Variants in ABCG5 observed in about 807,000 individuals in gnomAD.
ABCG5 encodes the protein ATP binding cassette subfamily G member 5, also known as ATP-binding cassette sub-family G member 5.
Under a neutral mutation model 64.5 loss-of-function variants are expected in ABCG5, and 64 were observed. The observed-to-expected ratio is 0.99, with a 90% confidence interval of 0.81 to 1.22. The LOEUF (loss-of-function observed/expected upper bound fraction) is 1.22. Among genes scored for constraint, ABCG5 ranks in the 50% most tolerant of loss-of-function variants. ABCG5 has a pLI of 0.00. For synonymous variants in ABCG5, 385 were observed against 326.3 expected, an observed-to-expected ratio of 1.18 and a Z score of -1.94; for missense variants, 908 against 829.5, an observed-to-expected ratio of 1.09 and a Z score of -1.16.
Position 43,814,555 on chromosome 2 carries a change from T to C in ABCG5, c.1684A>G (p.Ile562Val). 1 of 1,607,702 alleles carries C rather than the reference T, an allele frequency of 6.2e-7. No homozygotes were observed. Among genetic ancestry groups the C allele is most frequent in the Non-Finnish European group, 8.5e-7 (1 of 1,175,232 alleles). Residue 562 changes from isoleucine to valine, a missense_variant, in exon 12 of 13, where the codon ATC becomes GTC. Physicochemically the swap from Ile to Val is conservative, Grantham distance 29 (BLOSUM62 3). Transcript: ENST00000405322. ...IQEMPIPFKI[I>V]SYFTFQKYCS... is the part of the protein sequence containing the mutation. The stretch of plus-strand genomic sequence containing the variant: ...TATTTTTGGAATGTAAAATAACTGA[T>C]GATTTTAAAAGGAATGGGCATTTCT...
chr2:43,817,996 C>T (rs191305904), intron 11 of ABCG5, among the ~76,000 whole-genome samples: 294 of 152,252 alleles, frequency 1.9e-3, no homozygotes, highest in African/African-American at 6.5e-3. Flanking sequence ...TAAATGTGCT[C>T]AGAAAGCTTA....
intron 4 of ABCG5, 29 bp downstream of exon 4, chr2:43,831,740 G>C (rs1206510182): frequency 5.2e-6 from 8 of 1,551,884 alleles, no homozygotes; most frequent in Admixed American, 3.9e-5. Flanking sequence ...TACTCAGTTT[G>C]CCCTCTGTGA....
At chr2:43,806,927 T>C in the ABCG5 span, among the ~76,000 whole-genome samples, 1 of 152,302 alleles carries the variant, frequency 6.6e-6, no homozygotes, top group South Asian at 2.1e-4. Context: ...AAAGTTATGC[T>C]GTCCTAAGTT....
Position 43,813,708 on chromosome 2 carries a change from C to CCT in ABCG5, c.1763-400_1763-399insAG, listed in dbSNP as rs1558715512. Among the ~76,000 whole-genome samples the CCT allele has an allele frequency of 3.2e-3, 113 of 35,366 alleles. 3 individuals carry two copies. Among genetic ancestry groups the CCT allele is most frequent in the Middle Eastern group, 0.038 (2 of 52 alleles). The allele number at this position is 35,366 out of a possible 152,430, so 23.2% of individuals were successfully genotyped here. On this transcript the variant is annotated intron_variant, in intron 12 of 12. Coordinates refer to ENST00000405322, the MANE Select transcript of ABCG5 (RefSeq NM_022436.3). ...TTGTTTTTTTTGGGGTTTTTTTTTT[C>CCT]GTTTTTTTTTTTTTTTTTTTTTTTT...
In ABCG5 at chr2:43,812,831, C is replaced by G. The variant is rs114868704; in HGVS notation, c.*285G>C. ...AGAACAAGGAAAAAAAATAGTCACACGAGTCTCCCATAGGTTTATGAATAT... is the reference window on the plus strand; with the variant it reads ...AGAACAAGGAAAAAAAATAGTCACAGGAGTCTCCCATAGGTTTATGAATAT... On this transcript the variant is annotated 3_prime_UTR_variant, in exon 13 of 13. Transcript: ENST00000405322. 2,493 of 370,858 alleles carry G rather than the reference C, an allele frequency of 6.7e-3. 16 individuals carry two copies. The highest frequency in any genetic ancestry group is 8.8e-3 in the Non-Finnish European group (1,775 of 202,374). 23.0% of individuals were successfully genotyped at this position (370,858 alleles called of 1,614,324 possible). A position where few individuals can be genotyped will look rare whatever the true frequency, so the allele number is the denominator to read the frequency against.
At position 43,812,648 on chromosome 2, in the gene ABCG5, A is replaced by ATTC. The variant is rs1666542514; in HGVS notation, c.*465_*467dup. ...CTCTGGGTCTTCCAGGAACAGAAGC[A>ATTC]TTCTTACCCAATTCTGCATGATAAC... On this transcript the variant is annotated 3_prime_UTR_variant, in exon 13 of 13. Coordinates refer to ENST00000405322, the MANE Select transcript of ABCG5 (RefSeq NM_022436.3). The ATTC allele has an allele frequency of 5.4e-6, 1 of 185,166 alleles. No homozygotes were observed. The highest frequency in any genetic ancestry group is 1.1e-5 in the Non-Finnish European group (1 of 87,988). The allele number at this position is 185,166 out of a possible 1,614,324, so 11.5% of individuals were successfully genotyped here. A position where few individuals can be genotyped will look rare whatever the true frequency, so the allele number is the denominator to read the frequency against.
At chr2:43,827,516 C>T (rs1434839269) in intron 5 of ABCG5, among the ~76,000 whole-genome samples, 2 of 152,106 alleles carry the variant, frequency 1.3e-5, no homozygotes, top group African/African-American at 4.8e-5. Context: ...AATGACCAAA[C>T]CTGGCAGAGG....
At chr2:43,811,820 T>C (rs1179779264), downstream of ABCG5, among the ~76,000 whole-genome samples, 3 of 152,244 alleles carry the variant, frequency 2.0e-5, no homozygotes, top group East Asian at 5.8e-4. Context: ...GGTCTCAATC[T>C]CTTGACCTCG....
At position 43,838,603 on chromosome 2, in the gene ABCG5, T is replaced by C. The variant is rs1393088059; in HGVS notation, c.77A>G (p.Glu26Gly). 6.2e-7 allele frequency: 1 copy of C among 1,612,014 alleles called. No homozygotes were observed. Reference sequence around the variant, plus strand: ...CTCCGGGGCGGTGGCAGGAGCCCCCTCCAGGGAGCTCTGGGAGCCTCTGTT... The same window carrying C: ...CTCCGGGGCGGTGGCAGGAGCCCCCCCCAGGGAGCTCTGGGAGCCTCTGTT... ...QVNRGSQSSL[E>G]GAPATAPEPH... The change falls in exon 1 of 13, where the codon GAG (glutamate) becomes GGG (glycine). Residue 26 changes from glutamate (E) to glycine (G), a missense_variant. Coordinates refer to ENST00000405322, the MANE Select transcript of ABCG5 (RefSeq NM_022436.3). The surrounding 1 kb of genome is among the most constrained non-coding windows in gnomAD (Gnocchi z 4.2).
chr2:43,810,583 C>T, downstream of ABCG5: 1 of 918,110 alleles, frequency 1.1e-6, no homozygotes, highest in Non-Finnish European at 1.3e-6. Flanking sequence ...TGTCCACATA[C>T]AAAATATATT....
chr2:43,812,892 C>T lies in ABCG5; in HGVS notation c.*224G>A, dbSNP rs1666555672. The stretch of plus-strand genomic sequence containing the variant: ...CTTGGGTCCGCTCAGTCACAATTTC[C>T]AAATAACCACATGTCCCTGCAAGTT... On this transcript the variant is annotated 3_prime_UTR_variant, in exon 13 of 13. Transcript: ENST00000405322. 5.4e-6 allele frequency: 3 copies of T among 551,930 alleles called. No individual in the cohort carries two copies. In the East Asian group the frequency reaches 9.2e-5, roughly 17 times the overall value. The allele number at this position is 551,930 out of a possible 1,614,324, so 34.2% of individuals were successfully genotyped here.
intron 10 of ABCG5, 36 bp from the exon 11 acceptor site, chr2:43,820,136 G>A: frequency 6.3e-7 from 1 of 1,597,792 alleles, no homozygotes; most frequent in South Asian, 1.1e-5. Flanking sequence ...TCCTCTCCAA[G>A]GGCTATCATT....
chr2:43,819,785 A>G (rs1355622016), intron 11 of ABCG5, 130 bp downstream of exon 11: 3 of 980,728 alleles, frequency 3.1e-6, no homozygotes, highest in East Asian at 5.1e-5. Flanking sequence ...AGCAGTATAA[A>G]TGCTCTAGAC....
chr2:43,813,347 A>G (rs747235883), intron 12 of ABCG5, 38 bp from the exon 13 acceptor site: 1 of 1,439,686 alleles, frequency 6.9e-7, no homozygotes, highest in Non-Finnish European at 9.7e-7. Flanking sequence ...GGTGTGGTTT[A>G]TCTCAGGTAA....
chr2:43,825,028 C>T lies in ABCG5; in HGVS notation c.775-10G>A. On this transcript the variant is annotated splice_polypyrimidine_tract_variant and intron_variant, in intron 6 of 12. Coordinates refer to ENST00000405322, the MANE Select transcript of ABCG5 (RefSeq NM_022436.3). ...CAATTTTGTCAAAGAGCTGACCAGA[C>T]AACAGACGTAGTTAGTGTGTGATCA... is the stretch of plus-strand genomic sequence containing the variant. 1 of 1,613,334 alleles carries T rather than the reference C, an allele frequency of 6.2e-7. No individual in the cohort carries two copies. The highest frequency in any genetic ancestry group is 8.5e-7 in the Non-Finnish European group (1 of 1,179,628).
chr2:43,827,194 A>G (rs1252632451), intron 5 of ABCG5, among the ~76,000 whole-genome samples: 2 of 152,022 alleles, frequency 1.3e-5, no homozygotes, highest in African/African-American at 4.8e-5. Context: ...GTGTGGTGGC[A>G]GGCGCCTGTA....
rs560708726 is a variant in ABCG5, at chr2:43,835,811, T to C, written c.265+2023A>G. ...CTCCCTCACCAGACACTGAATCTGT[T>C]GACCCCCTTGATCTCGGACTTCCCA... On this transcript the variant is annotated intron_variant, in intron 2 of 12. Coordinates refer to ENST00000405322, the MANE Select transcript of ABCG5 (RefSeq NM_022436.3). Among the ~76,000 whole-genome samples, 7 of 152,310 alleles carry C rather than the reference T, an allele frequency of 4.6e-5. No individual in the cohort carries two copies. The South Asian group carries it at 1.5e-3, about 32-fold the overall frequency.
chr2:43,817,446 T>C lies in ABCG5; in HGVS notation c.1649+2469A>G, dbSNP rs1458042656. The stretch of plus-strand genomic sequence containing the variant: ...GTTGCAGTGAGCCGAGATCGTGCCA[T>C]TGCATTCCAGCCTGGGTGACAGAGT... On this transcript the variant is annotated intron_variant, in intron 11 of 12. Coordinates refer to ENST00000405322, the MANE Select transcript of ABCG5 (RefSeq NM_022436.3). Among the ~76,000 whole-genome samples, 7 of 149,496 alleles carry C rather than the reference T, an allele frequency of 4.7e-5. No individual in the cohort carries two copies. The East Asian group carries it at 6.1e-4, about 13-fold the overall frequency.
chr2:43,826,250 T>G, intron 6 of ABCG5, 132 bp downstream of exon 6: 1 of 1,379,222 alleles, frequency 7.3e-7, no homozygotes, highest in Non-Finnish European at 1.0e-6. Flanking sequence ...TCCTCCTGCC[T>G]CAGCCTCCCA....
Sources: gnomAD v4.1 joint callset for allele counts (sites outside exome capture counted in the v4.1 genomes callset) on GRCh38, gnomAD v4.1.1 for gene constraint, Gnocchi (gnomAD v3.1) non-coding constraint, MANE v1.5 for transcripts, NCBI Gene and HGNC (gene_info 2026-07-23, HGNC 2026-07-21) for gene names.